Variants in LIMS1 observed in about 807,000 individuals in gnomAD.
LIMS1 encodes the protein LIM zinc finger domain containing 1, also known as LIM and senescent cell antigen-like-containing domain protein 1.
LIMS1 carries 18 observed loss-of-function variants against 44.1 expected under a neutral mutation model. The ratio of observed to expected loss-of-function variants is 0.41; its 90% CI spans 0.28 to 0.61. The LOEUF (loss-of-function observed/expected upper bound fraction) is 0.61, where lower values mean the gene tolerates loss of function less well. LIMS1 is among the 20% of genes least tolerant of loss of function. The probability of loss-of-function intolerance (pLI) is 0.32; values close to 1 mark genes in which losing one functional copy is unlikely to be tolerated. For synonymous variants in LIMS1, 93 were observed against 149.1 expected, an observed-to-expected ratio of 0.62 and a Z score of 2.74; for missense variants, 201 against 422.0, an observed-to-expected ratio of 0.48 and a Z score of 4.59.
At chr2:108,606,123 C>G (rs1687256913) in intron 1 of LIMS1, among the ~76,000 whole-genome samples, 1 of 152,218 alleles carries the variant, frequency 6.6e-6, no homozygotes, top group African/African-American at 2.4e-5. Context: ...TTCAGGCACA[C>G]CAGACAACCT....
chr2:108,535,726 AGCTT>A (rs1324451166), intron 1 of LIMS1, among the ~76,000 whole-genome samples: 1 of 152,170 alleles, frequency 6.6e-6, no homozygotes, highest in African/African-American at 2.4e-5. Context: ...TTCGGTTGAA[AGCTT>A]GCTTTTTATC....
intron 1 of LIMS1, among the ~76,000 whole-genome samples, chr2:108,635,988 G>T (rs1044756100): frequency 6.6e-6 from 1 of 152,124 alleles, no homozygotes; most frequent in Non-Finnish European, 1.5e-5. Context: ...AAACCCACAC[G>T]CTAATTTGAA....
intron 2 of LIMS1, among the ~76,000 whole-genome samples, chr2:108,663,806 G>T (rs1691548484): frequency 6.6e-6 from 1 of 151,830 alleles, no homozygotes; most frequent in African/African-American, 2.4e-5. Flanking sequence ...CCAGGATGGA[G>T]TGCAAATGTG....
chr2:108,539,237 C>T (rs1460498802), intron 1 of LIMS1, among the ~76,000 whole-genome samples: 4 of 152,190 alleles, frequency 2.6e-5, no homozygotes, highest in African/African-American at 7.2e-5. Context: ...GTACATGCCA[C>T]TATGCCCGGC....
intron 1 of LIMS1, among the ~76,000 whole-genome samples, chr2:108,606,124 C>A (rs917768551): frequency 1.3e-5 from 2 of 152,238 alleles, no homozygotes; most frequent in South Asian, 2.1e-4. Flanking sequence ...TCAGGCACAC[C>A]AGACAACCTT....
chr2:108,672,082 G>A (rs1202266236), intron 3 of LIMS1, among the ~76,000 whole-genome samples: 12 of 149,778 alleles, frequency 8.0e-5, no homozygotes, highest in Middle Eastern at 3.5e-3. Context: ...CAGGAGAATC[G>A]CTTGAACCCG....
At chr2:108,570,150 G>A (rs1387468351) in intron 1 of LIMS1, among the ~76,000 whole-genome samples, 7 of 152,096 alleles carry the variant, frequency 4.6e-5, no homozygotes, top group African/African-American at 1.4e-4. Context: ...GTAATACTAG[G>A]CCGGGAATGG....
rs116409418 is a variant in LIMS1, at chr2:108,649,941, A to G, written c.33-9664A>G. On this transcript the variant is annotated intron_variant, in intron 1 of 9. Coordinates refer to ENST00000544547, the Ensembl canonical transcript of LIMS1. ...TGTAACAAACCTGCACGTTCTGCAC[A>G]TGTACCTACCTCGAACTTGAAGTAT... Among the ~76,000 whole-genome samples the G allele has an allele frequency of 8.8e-3, 1,337 of 152,302 alleles. 23 individuals are homozygous for G. The highest frequency in any genetic ancestry group is 0.031 in the African/African-American group (1,274 of 41,562).
chr2:108,584,453 G>C, intron 1 of LIMS1, among the ~76,000 whole-genome samples: 1 of 151,576 alleles, frequency 6.6e-6, no homozygotes, highest in East Asian at 1.9e-4. Flanking sequence ...GAATAACAGT[G>C]CCCCTCCTAT....
At chr2:108,540,488 G>T (rs1432997741) in intron 1 of LIMS1, among the ~76,000 whole-genome samples, 1 of 152,114 alleles carries the variant, frequency 6.6e-6, no homozygotes, top group East Asian at 1.9e-4. Flanking sequence ...TTGAGCCACC[G>T]CGCCTGGCTG....
intron 1 of LIMS1, among the ~76,000 whole-genome samples, chr2:108,595,350 G>A (rs1433633355): frequency 6.6e-6 from 1 of 152,076 alleles, no homozygotes; most frequent in Non-Finnish European, 1.5e-5. Context: ...TGTGCTTGAG[G>A]AAGTAAGCAT....
At chr2:108,680,592 A>G (rs909132296) in intron 8 of LIMS1, 103 bp from the exon 9 acceptor site, 2 of 1,542,334 alleles carry the variant, frequency 1.3e-6, no homozygotes, top group African/African-American at 1.4e-5. Context: ...ACCAAGTGCC[A>G]CAGACACAGT....
chr2:108,624,433 T>G (rs1688442792), intron 1 of LIMS1, among the ~76,000 whole-genome samples: 2 of 152,226 alleles, frequency 1.3e-5, no homozygotes, highest in South Asian at 4.1e-4. Context: ...AAATTGAAGT[T>G]TCTCCTGGTT....
At chr2:108,613,389 G>T (rs1687764331) in intron 1 of LIMS1, among the ~76,000 whole-genome samples, 1 of 152,176 alleles carries the variant, frequency 6.6e-6, no homozygotes, top group Non-Finnish European at 1.5e-5. Context: ...TAGTTCACCA[G>T]GTCTGTTTGT....
At chr2:108,576,025 T>A (rs1015336327) in intron 1 of LIMS1, among the ~76,000 whole-genome samples, 2 of 152,212 alleles carry the variant, frequency 1.3e-5, no homozygotes, top group Admixed American at 6.5e-5. Context: ...AGGCCTGGTC[T>A]TCATGTCAGT....
At chr2:108,601,277 A>G (rs1558804082) in intron 1 of LIMS1, among the ~76,000 whole-genome samples, 1 of 152,210 alleles carries the variant, frequency 6.6e-6, no homozygotes, top group Non-Finnish European at 1.5e-5. Context: ...ACACTCACCA[A>G]ACTATGGAGG....
At chr2:108,635,429 T>TAAAAAAAAAAAAAAAAAAAAAA (rs70956264) in intron 1 of LIMS1, among the ~76,000 whole-genome samples, 2 of 86,724 alleles carry the variant, frequency 2.3e-5, no homozygotes, top group African/African-American at 9.8e-5. Context: ...ACTTCATCTC[T>TAAAAAAAAAAAAAAAAAAAAAA]AAAAAAAAAA....
chr2:108,575,553 G>T (rs917114593), intron 1 of LIMS1, among the ~76,000 whole-genome samples: 3 of 152,084 alleles, frequency 2.0e-5, no homozygotes, highest in Non-Finnish European at 4.4e-5. Context: ...TTTTGCTCTG[G>T]TGCATTTTCT....
intron 1 of LIMS1, among the ~76,000 whole-genome samples, chr2:108,630,309 G>A (rs1413434174): frequency 2.6e-5 from 4 of 151,808 alleles, no homozygotes; most frequent in South Asian, 2.1e-4. Flanking sequence ...AGCCTCCTTC[G>A]AAATTCACTG....
Sources: allele counts gnomAD v4.1 joint callset (sites outside exome capture counted in the v4.1 genomes callset), GRCh38; gene constraint gnomAD v4.1.1; transcripts MANE v1.5; gene names NCBI Gene and HGNC (gene_info 2026-07-23, HGNC 2026-07-21).